Variants in FHIT observed in about 807,000 individuals in gnomAD.
FHIT encodes the protein fragile histidine triad diadenosine triphosphatase, also known as bis(5'-adenosyl)-triphosphatase.
FHIT carries 19 observed loss-of-function variants against 17.9 expected under a neutral mutation model. The observed-to-expected ratio is 1.06, with a 90% CI of 0.74 to 1.56. The LOEUF (loss-of-function observed/expected upper bound fraction) is 1.56. Ranked by LOEUF, FHIT falls within the 40% of genes most tolerant of loss-of-function variation. FHIT has a pLI of 0.00. For missense variants in FHIT, 248 were observed against 189.2 expected, an observed-to-expected ratio of 1.31 and a Z score of -1.82; for synonymous variants, 81 against 69.7, an observed-to-expected ratio of 1.16 and a Z score of -0.81.
intron 5 of FHIT, among the ~76,000 whole-genome samples, chr3:60,497,725 A>G (rs1346627222): frequency 6.6e-6 from 1 of 152,198 alleles, no homozygotes; most frequent in Non-Finnish European, 1.5e-5. Context: ...TTTCCTGGTT[A>G]TATAGCAGAT....
chr3:59,885,441 CTTTT>C (rs60795525), intron 8 of FHIT, among the ~76,000 whole-genome samples: 5 of 135,990 alleles, frequency 3.7e-5, no homozygotes, highest in Non-Finnish European at 6.4e-5. Flanking sequence ...CTACCTGATG[CTTTT>C]TTTTTTTTTT....
chr3:60,802,143 A>G (rs563766572), intron 4 of FHIT, among the ~76,000 whole-genome samples: 25 of 152,314 alleles, frequency 1.6e-4, no homozygotes, highest in African/African-American at 5.8e-4. Flanking sequence ...CATGTTGCTA[A>G]TAGGACTAAT....
chr3:60,294,237 A>G (rs956191298), intron 5 of FHIT, among the ~76,000 whole-genome samples: 9 of 152,178 alleles, frequency 5.9e-5, no homozygotes, highest in African/African-American at 1.9e-4. Flanking sequence ...ATCTGATGGA[A>G]TAAGATAAAT....
At chr3:60,221,761 G>T (rs1224351628) in intron 5 of FHIT, among the ~76,000 whole-genome samples, 4 of 152,004 alleles carry the variant, frequency 2.6e-5, no homozygotes, top group African/African-American at 4.8e-5. Flanking sequence ...TTTAATGACT[G>T]GCTCCTTCTC....
At chr3:60,273,522 T>C (rs1297746191) in intron 5 of FHIT, among the ~76,000 whole-genome samples, 4 of 152,014 alleles carry the variant, frequency 2.6e-5, no homozygotes, top group African/African-American at 7.2e-5. Flanking sequence ...AGGGGGAGAA[T>C]TGCTTGAACT....
chr3:60,449,561 C>T (rs1173284168), intron 5 of FHIT, among the ~76,000 whole-genome samples: 3 of 151,974 alleles, frequency 2.0e-5, no homozygotes, highest in African/African-American at 4.8e-5. Flanking sequence ...GATGGTGCAG[C>T]CTACTACATA....
At position 59,757,300 on chromosome 3, in the gene FHIT, G is replaced by C. The variant is rs1034597826; in HGVS notation, c.349-4979C>G. ...GCCTCTCCAAGCAAATTCTATTTCT[G>C]CACAGCTTTGAAAAGAGATTTAAAA... is the stretch of plus-strand genomic sequence containing the variant. On this transcript the variant is annotated intron_variant, in intron 8 of 9. Transcript: ENST00000492590. Among the ~76,000 whole-genome samples the C allele has an allele frequency of 2.0e-5, 3 of 152,138 alleles. No individual in the cohort carries two copies. In the East Asian group the frequency reaches 5.8e-4, roughly 29 times the overall value.
intron 4 of FHIT, among the ~76,000 whole-genome samples, chr3:60,563,064 A>G (rs1219707015): frequency 6.6e-6 from 1 of 152,152 alleles, no homozygotes; most frequent in Non-Finnish European, 1.5e-5. Context: ...GGGAGAAGTA[A>G]TATGTTCTAC....
chr3:60,774,643 A>G, intron 4 of FHIT, among the ~76,000 whole-genome samples: 2 of 152,192 alleles, frequency 1.3e-5, no homozygotes, highest in East Asian at 3.8e-4. Flanking sequence ...ATGAACAACA[A>G]TAACTAATAA....
chr3:60,744,264 AAAAC>A (rs2042304594), intron 4 of FHIT, among the ~76,000 whole-genome samples: 3 of 37,090 alleles, frequency 8.1e-5, no homozygotes, highest in East Asian at 1.4e-3. Flanking sequence ...AAAACAAAAC[AAAAC>A]AAAAAAAAAA....
intron 5 of FHIT, among the ~76,000 whole-genome samples, chr3:60,170,970 G>A (rs556999520): frequency 6.6e-6 from 1 of 152,240 alleles, no homozygotes; most frequent in Admixed American, 6.5e-5. Context: ...AAAACAAGGA[G>A]CCAACTTATT....
At chr3:59,816,929 T>C (rs897664495) in intron 8 of FHIT, among the ~76,000 whole-genome samples, 2 of 152,206 alleles carry the variant, frequency 1.3e-5, no homozygotes, top group Non-Finnish European at 2.9e-5. Context: ...CAGGGTGGGA[T>C]GGACAGACTC....
At chr3:60,501,974 A>G (rs185332386) in intron 5 of FHIT, among the ~76,000 whole-genome samples, 21 of 152,346 alleles carry the variant, frequency 1.4e-4, no homozygotes, top group Non-Finnish European at 2.5e-4. Flanking sequence ...GATGTAAACA[A>G]ATGATACAAT....
chr3:59,927,630 G>C (rs1001604126), intron 7 of FHIT, among the ~76,000 whole-genome samples: 2 of 151,524 alleles, frequency 1.3e-5, no homozygotes, highest in Non-Finnish European at 2.9e-5. Context: ...TTAGCCAGGC[G>C]TGGTGGCACA....
At chr3:60,295,626 T>C (rs1021377604) in intron 5 of FHIT, among the ~76,000 whole-genome samples, 2 of 152,088 alleles carry the variant, frequency 1.3e-5, no homozygotes, top group African/African-American at 4.8e-5. Context: ...GCCCCATCTC[T>C]AACAGTGGGG....
intron 4 of FHIT, among the ~76,000 whole-genome samples, chr3:60,786,861 G>T (rs1426185881): frequency 6.6e-6 from 1 of 151,858 alleles, no homozygotes; most frequent in Non-Finnish European, 1.5e-5. Flanking sequence ...ATCCATATAT[G>T]ACTAAATCTG....
intron 4 of FHIT, chr3:60,690,846 C>G (rs1325164928): frequency 6.6e-6 from 2 of 304,788 alleles, no homozygotes; most frequent in African/African-American, 4.4e-5. Context: ...TTAAGAATCT[C>G]CTAGAGAGAC....
intron 2 of FHIT, among the ~76,000 whole-genome samples, chr3:61,184,849 G>T (rs1357626365): frequency 1.3e-5 from 2 of 152,168 alleles, no homozygotes; most frequent in Non-Finnish European, 2.9e-5. Flanking sequence ...TTAAACAAGG[G>T]ATCTCACATT....
chr3:60,212,978 T>C (rs950443774), intron 5 of FHIT, among the ~76,000 whole-genome samples: 1 of 152,138 alleles, frequency 6.6e-6, no homozygotes, highest in African/African-American at 2.4e-5. Context: ...TGTTTAATAC[T>C]GAGATGCTTT....
Sources: gnomAD v4.1 joint callset for allele counts (sites outside exome capture counted in the v4.1 genomes callset) on GRCh38, gnomAD v4.1.1 for gene constraint, MANE v1.5 for transcripts, NCBI Gene and HGNC (gene_info 2026-07-23, HGNC 2026-07-21) for gene names.